Variants in CACNA1D observed in about 807,000 individuals in gnomAD.
CACNA1D encodes calcium voltage-gated channel subunit alpha1 D.
Under a neutral mutation model 257.1 loss-of-function variants are expected in CACNA1D, and 55 were observed. That is an observed-to-expected ratio of 0.21 (90% CI 0.17 to 0.27). CACNA1D has a LOEUF of 0.27. Among genes scored for constraint, CACNA1D ranks in the 10% least tolerant of loss-of-function variants. The pLI is 1.00. For synonymous variants in CACNA1D, 980 were observed against 1,014.9 expected (o/e 0.97, Z 0.65); for missense variants, 1,876 against 2,784.0 (o/e 0.67, Z 7.34).
intron 3 of CACNA1D, among the ~76,000 whole-genome samples, chr3:53,641,818 T>A (rs929968669): frequency 6.6e-6 from 1 of 152,182 alleles, no homozygotes; most frequent in Non-Finnish European, 1.5e-5. Context: ...CAGTGACTTA[T>A]AGGGCTCGGA....
chr3:53,748,501 G>A (rs2095193401), intron 26 of CACNA1D, among the ~76,000 whole-genome samples: 1 of 152,222 alleles, frequency 6.6e-6, no homozygotes, highest in South Asian at 2.1e-4. Flanking sequence ...ATAGTGTCAG[G>A]CTTTGAACAC....
chr3:53,718,666 C>A, intron 10 of CACNA1D: 1 of 1,552,702 alleles, frequency 6.4e-7, no homozygotes, highest in Non-Finnish European at 8.7e-7. Flanking sequence ...ACCTGGCCAC[C>A]TGCTGTGTCC....
At chr3:53,598,368 G>A (rs1303662282) in intron 3 of CACNA1D, among the ~76,000 whole-genome samples, 13 of 151,788 alleles carry the variant, frequency 8.6e-5, no homozygotes, top group Middle Eastern at 6.8e-3. Context: ...TTGAGGCCAG[G>A]AGCTTGAGAC....
chr3:53,606,663 A>G (rs1460660425), intron 3 of CACNA1D, among the ~76,000 whole-genome samples: 1 of 152,232 alleles, frequency 6.6e-6, no homozygotes, highest in Non-Finnish European at 1.5e-5. Flanking sequence ...ATAGTTACCC[A>G]CTTTATTGAG....
chr3:53,784,396 C>T (rs2095442030), intron 39 of CACNA1D, among the ~76,000 whole-genome samples: 1 of 152,188 alleles, frequency 6.6e-6, no homozygotes, highest in African/African-American at 2.4e-5. Context: ...TGTATTCATT[C>T]CTTCTCTTCC....
In CACNA1D at chr3:53,540,703, A is replaced by G. The variant is rs1026703581; in HGVS notation, c.483+38983A>G. 3.3e-5 allele frequency among the ~76,000 whole-genome samples: 5 copies of G among 152,136 alleles called. 1 individual carries two copies. In the South Asian group the frequency reaches 8.3e-4, roughly 25 times the overall value. On this transcript the variant is annotated intron_variant, in intron 3 of 47. Coordinates refer to ENST00000350061, the MANE Select transcript of CACNA1D (RefSeq NM_001128840.3). Reference sequence around the variant, plus strand: ...CTGGAGCTCTTTCTACATTATCCATATGCCAGTCGGCTTCATTCTTTGTCA... The same window carrying G: ...CTGGAGCTCTTTCTACATTATCCATGTGCCAGTCGGCTTCATTCTTTGTCA...
intron 8 of CACNA1D, among the ~76,000 whole-genome samples, chr3:53,700,007 C>T (rs1163238783): frequency 6.6e-6 from 1 of 150,452 alleles, no homozygotes; most frequent in African/African-American, 2.4e-5. Context: ...AAAAGAGTTA[C>T]CCTGAGAAGC....
Position 53,495,352 on chromosome 3 carries a change from C to T in CACNA1D, c.67+119C>T. On this transcript the variant is annotated intron_variant, in intron 1 of 47. Coordinates refer to ENST00000350061, the MANE Select transcript of CACNA1D (RefSeq NM_001128840.3). This position sits in a 1 kb window ranked among gnomAD's most constrained non-coding sequence, Gnocchi z 5.1. ...AGGGGGTTGGAGAGGGTGCTGCCAG[C>T]TCGGTGTCGTCTACACAGAGAGGGG... The T allele has an allele frequency of 5.0e-6, 6 of 1,191,740 alleles. No homozygotes were observed. The highest frequency in any genetic ancestry group is 7.5e-6 in the Non-Finnish European group (6 of 802,112). The allele number at this position is 1,191,740 out of a possible 1,614,324, so 73.8% of individuals were successfully genotyped here. A position where few individuals can be genotyped will look rare whatever the true frequency, so the allele number is the denominator to read the frequency against.
intron 16 of CACNA1D, 145 bp downstream of exon 16, chr3:53,730,701 C>A: frequency 1.4e-6 from 1 of 700,300 alleles, no homozygotes; most frequent in Non-Finnish European, 2.6e-6. Flanking sequence ...CCATGCACTG[C>A]AGACCAAAAC....
At chr3:53,593,331 A>G (rs568235227) in intron 3 of CACNA1D, among the ~76,000 whole-genome samples, 3 of 152,306 alleles carry the variant, frequency 2.0e-5, no homozygotes, top group African/African-American at 4.8e-5. Flanking sequence ...AGTTTTAGCC[A>G]GCTTGTCTTG....
Position 53,811,642 on chromosome 3 carries a change from G to A in CACNA1D, c.*236G>A. 1 of 428,470 alleles carries A rather than the reference G, an allele frequency of 2.3e-6. No homozygotes were observed. The highest frequency in any genetic ancestry group is 4.1e-6 in the Non-Finnish European group (1 of 241,070). 26.5% of individuals were successfully genotyped at this position (428,470 alleles called of 1,614,324 possible). Reference sequence around the variant, plus strand: ...CGGCCCCAGCTGCAGGAAACAGCAGGCCCCGCCCTCTCACAGAGGATGGGT... The same window carrying A: ...CGGCCCCAGCTGCAGGAAACAGCAGACCCCGCCCTCTCACAGAGGATGGGT... On this transcript the variant is annotated 3_prime_UTR_variant, in exon 48 of 48. Coordinates refer to ENST00000350061, the MANE Select transcript of CACNA1D (RefSeq NM_001128840.3). The surrounding 1 kb of genome is among the most constrained non-coding windows in gnomAD (Gnocchi z 4.2).
chr3:53,792,851 C>G (rs758200818), intron 40 of CACNA1D, among the ~76,000 whole-genome samples: 1 of 152,178 alleles, frequency 6.6e-6, no homozygotes, highest in Non-Finnish European at 1.5e-5. Flanking sequence ...ACCTGCTGTC[C>G]TCATTATGGA....
intron 29 of CACNA1D, among the ~76,000 whole-genome samples, chr3:53,757,890 T>TG (rs1256037685): frequency 3.3e-5 from 5 of 152,202 alleles, no homozygotes; most frequent in Non-Finnish European, 7.3e-5. Flanking sequence ...ATGCATCCGT[T>TG]GGGGGCCTAC....
rs548181820 is a variant in CACNA1D at position 53,794,186 on chromosome 3, G to C, written c.4924-6063G>C. Among the ~76,000 whole-genome samples, 6 of 152,320 alleles carry C rather than the reference G, an allele frequency of 3.9e-5. No individual in the cohort carries two copies. The East Asian group carries it at 7.7e-4, about 20-fold the overall frequency. ...CTGCAAAGAAGTTAAGTGATGTGAC[G>C]TAGTAGTAAAAGGTGGTAATTATCG... On this transcript the variant is annotated intron_variant, in intron 40 of 47. Coordinates refer to ENST00000350061, the MANE Select transcript of CACNA1D (RefSeq NM_001128840.3).
intron 4 of CACNA1D, 115 bp downstream of exon 4, chr3:53,651,033 G>C: frequency 1.1e-6 from 1 of 941,654 alleles, no homozygotes; most frequent in Non-Finnish European, 1.7e-6. Context: ...TTTTATGCCA[G>C]CTGTTGCACC....
At chr3:53,599,366 A>G (rs894166682) in intron 3 of CACNA1D, among the ~76,000 whole-genome samples, 1 of 152,194 alleles carries the variant, frequency 6.6e-6, no homozygotes, top group African/African-American at 2.4e-5. Context: ...TTTCTTTAGA[A>G]TAAACTCTTA....
At chr3:53,802,366 C>T (rs966133305) in intron 43 of CACNA1D, among the ~76,000 whole-genome samples, 193 bp downstream of exon 43, 7 of 152,240 alleles carry the variant, frequency 4.6e-5, no homozygotes, top group Admixed American at 2.0e-4. Context: ...ATATCTCTGT[C>T]GACTCTGTTG....
chr3:53,630,313 C>A (rs539626734), intron 3 of CACNA1D, among the ~76,000 whole-genome samples: 3 of 152,178 alleles, frequency 2.0e-5, no homozygotes, highest in Non-Finnish European at 4.4e-5. Flanking sequence ...AAGCTGAGAG[C>A]AATTCTAAAT....
At chr3:53,590,421 C>G (rs2093286721) in intron 3 of CACNA1D, among the ~76,000 whole-genome samples, 1 of 152,242 alleles carries the variant, frequency 6.6e-6, no homozygotes, top group African/African-American at 2.4e-5. Flanking sequence ...TGTTCAACAC[C>G]TGGCCCAGGG....
Sources: allele counts gnomAD v4.1 joint callset (sites outside exome capture counted in the v4.1 genomes callset), GRCh38; gene constraint gnomAD v4.1.1; non-coding constraint Gnocchi (gnomAD v3.1); transcripts MANE v1.5; gene names NCBI Gene and HGNC (gene_info 2026-07-23, HGNC 2026-07-21).